Variants in LRRC2 observed in about 807,000 individuals in gnomAD.
LRRC2 encodes the protein leucine rich repeat containing 2.
In LRRC2, 27 loss-of-function variants were observed where a neutral mutation model predicts 40.2. That is an observed-to-expected ratio of 0.67 (90% CI 0.49 to 0.93). The LOEUF is 0.93. LRRC2 is among the 40% of genes least tolerant of loss of function. The pLI is 0.00. For missense variants in LRRC2, 402 were observed against 439.6 expected, an observed-to-expected ratio of 0.91 and a Z score of 0.76; for synonymous variants, 147 against 158.9, an observed-to-expected ratio of 0.92 and a Z score of 0.56.
intron 7 of LRRC2, among the ~76,000 whole-genome samples, chr3:46,521,870 G>A (rs1342209210): frequency 6.6e-6 from 1 of 152,116 alleles, no homozygotes; most frequent in South Asian, 2.1e-4. Flanking sequence ...CTTTTCAGAG[G>A]CCTGATGGGG....
chr3:46,525,087 T>C (rs13083705), intron 7 of LRRC2, among the ~76,000 whole-genome samples: 2 of 34,408 alleles, frequency 5.8e-5, no homozygotes, highest in East Asian at 1.4e-3. Context: ...TTTTTTTTTC[T>C]TTTTTTTTTT....
chr3:46,550,069 A>C (rs1161834923), intron 2 of LRRC2, among the ~76,000 whole-genome samples: 1 of 152,158 alleles, frequency 6.6e-6, no homozygotes, highest in East Asian at 1.9e-4. Context: ...GCAATCCTTT[A>C]TGTCATATTG....
chr3:46,534,635 T>C (rs534229226), intron 4 of LRRC2, among the ~76,000 whole-genome samples: 2 of 152,250 alleles, frequency 1.3e-5, no homozygotes, highest in African/African-American at 2.4e-5. Context: ...TTTAAATCCA[T>C]ATAATGATAA....
In LRRC2 at chr3:46,545,048, T is replaced by C; in HGVS notation, c.331A>G (p.Thr111Ala). 1 of 1,612,368 alleles carries C rather than the reference T, an allele frequency of 6.2e-7. No homozygotes were observed. The highest frequency in any genetic ancestry group is 1.1e-5 in the South Asian group (1 of 91,010). Residue 111 changes from threonine (T) to alanine (A), a missense_variant and splice_region_variant, in exon 3 of 9, where the codon ACG (threonine) becomes GCG (alanine). Thr to Ala is a moderately conservative substitution (Grantham distance 58). Coordinates refer to ENST00000395905, the MANE Select transcript of LRRC2 (RefSeq NM_024512.5). ...FVFELSGEHW[T>A]ELPDSLKEQT... ...GGGCGAGAACTGCCTCGACTCACCG[T>C]CCAGTGCTCCCCAGAAAGTTCAAAC...
rs542620293 is a variant in LRRC2 at position 46,549,771 on chromosome 3, G to C, written c.125+1696C>G. Among the ~76,000 whole-genome samples, 4 of 152,360 alleles carry C rather than the reference G, an allele frequency of 2.6e-5. No homozygotes were observed. In the South Asian group the frequency reaches 8.3e-4, roughly 32 times the overall value. On this transcript the variant is annotated intron_variant, in intron 2 of 8. Transcript: ENST00000395905. ...CCAAGAACCTCAGGAAGTTGCATCAGCTACAGGTGCTTCCCTAACTCCCCT... is the reference window on the plus strand; with the variant it reads ...CCAAGAACCTCAGGAAGTTGCATCACCTACAGGTGCTTCCCTAACTCCCCT...
rs34602158 is a variant in LRRC2 at position 46,550,377 on chromosome 3, C to CTTTTT, written c.125+1085_125+1089dup. Among the ~76,000 whole-genome samples, 44 of 84,008 alleles carry CTTTTT rather than the reference C, an allele frequency of 5.2e-4. 1 individual carries two copies. The highest frequency in any genetic ancestry group is 6.5e-4 in the East Asian group (2 of 3,088). The allele number at this position is 84,008 out of a possible 152,430, so 55.1% of individuals were successfully genotyped here. On this transcript the variant is annotated intron_variant, in intron 2 of 8. Coordinates refer to ENST00000395905, the MANE Select transcript of LRRC2 (RefSeq NM_024512.5). ...GTAGACACATTCACACCTTACACAT[C>CTTTTT]TTTTTTTTTTTTTTTTTTTTTTTTG...
intron 6 of LRRC2, among the ~76,000 whole-genome samples, chr3:46,528,554 T>C (rs989840694): frequency 1.3e-5 from 2 of 152,244 alleles, no homozygotes; most frequent in African/African-American, 4.8e-5. Flanking sequence ...ATATGTCTTA[T>C]TCTGTTTTCC....
chr3:46,543,479 G>C (rs1162371840), intron 3 of LRRC2, among the ~76,000 whole-genome samples: 1 of 152,062 alleles, frequency 6.6e-6, no homozygotes, highest in African/African-American at 2.4e-5. Context: ...AGCCGGGTAT[G>C]GTGGCGGGTG....
At chr3:46,521,051 C>G (rs1455181670) in intron 8 of LRRC2, among the ~76,000 whole-genome samples, 1 of 152,136 alleles carries the variant, frequency 6.6e-6, no homozygotes, top group African/African-American at 2.4e-5. Context: ...CTATGGGAAC[C>G]AAAACTAAAT....
At chr3:46,556,316 A>G (rs58572135) in intron 1 of LRRC2, among the ~76,000 whole-genome samples, 7,362 of 151,928 alleles carry the variant, frequency 0.048, 270 homozygotes, top group South Asian at 0.15. Flanking sequence ...TTGCAGCGAT[A>G]AGGTCTCACT....
At position 46,564,999 on chromosome 3, in the gene LRRC2, G is replaced by A. The variant is rs141820439; in HGVS notation, c.-20+1178C>T. 2.5e-3 allele frequency among the ~76,000 whole-genome samples: 386 copies of A among 152,350 alleles called. 1 individual carries two copies. Among genetic ancestry groups the A allele is most frequent in the African/African-American group, 9.0e-3 (375 of 41,588 alleles). ...ACTGCCTGGACACCAGCGTTGGAATGAACGCAGTGAGTTTTCTGATAGAAA... is the reference window on the plus strand; with the variant it reads ...ACTGCCTGGACACCAGCGTTGGAATAAACGCAGTGAGTTTTCTGATAGAAA... On this transcript the variant is annotated intron_variant, in intron 1 of 8. Coordinates refer to ENST00000395905, the MANE Select transcript of LRRC2 (RefSeq NM_024512.5).
At chr3:46,553,633 G>A (rs1394505536) in intron 1 of LRRC2, among the ~76,000 whole-genome samples, 5 of 151,730 alleles carry the variant, frequency 3.3e-5, no homozygotes, top group South Asian at 4.2e-4. Context: ...GACCACAGTC[G>A]TGCGTCACCA....
At chr3:46,530,616 C>T (rs1437140798) in intron 5 of LRRC2, among the ~76,000 whole-genome samples, 1 of 152,178 alleles carries the variant, frequency 6.6e-6, no homozygotes, top group Admixed American at 6.5e-5. Context: ...CATAGGTCCA[C>T]ATTGCTGGGG....
rs59264692 is a variant in LRRC2, at chr3:46,522,376, A to AAAATAAATAAAT, written c.930-730_930-719dup. On this transcript the variant is annotated intron_variant, in intron 7 of 8. Coordinates refer to ENST00000395905, the MANE Select transcript of LRRC2 (RefSeq NM_024512.5). Reference sequence around the variant, plus strand: ...GGCAACAGAGCGAGACTCAATCTCAAAAATAAATAAATAAATAAATAAATA... The same window carrying AAAATAAATAAAT: ...GGCAACAGAGCGAGACTCAATCTCAAAAATAAATAAATAAATAAATAAATAAATAAATAAATA... Among the ~76,000 whole-genome samples the AAAATAAATAAAT allele has an allele frequency of 9.9e-4, 134 of 136,020 alleles. 1 individual carries two copies. The highest frequency in any genetic ancestry group is 1.9e-3 in the East Asian group (9 of 4,626). 89.2% of individuals were successfully genotyped at this position (136,020 alleles called of 152,430 possible).
chr3:46,521,729 A>C, intron 7 of LRRC2, 71 bp from the exon 8 acceptor site: 1 of 1,475,796 alleles, frequency 6.8e-7, no homozygotes. Context: ...CCTCACATAA[A>C]ATAACCTCTG....
chr3:46,520,215 A>G (rs1703941641), intron 8 of LRRC2, among the ~76,000 whole-genome samples: 1 of 149,410 alleles, frequency 6.7e-6, no homozygotes, highest in South Asian at 2.1e-4. Flanking sequence ...TATTTTATTT[A>G]AATTGATTAA....
At chr3:46,540,671 T>C (rs970116238) in intron 3 of LRRC2, among the ~76,000 whole-genome samples, 2 of 152,194 alleles carry the variant, frequency 1.3e-5, no homozygotes, top group Non-Finnish European at 2.9e-5. Context: ...GCAGGCACCT[T>C]GTTAAAAATT....
chr3:46,561,814 G>A (rs887314094), intron 1 of LRRC2, among the ~76,000 whole-genome samples: 3 of 152,100 alleles, frequency 2.0e-5, no homozygotes, highest in Non-Finnish European at 4.4e-5. Context: ...GGTACAGCTG[G>A]CCAGGTGGAC....
At chr3:46,532,647 A>C in intron 5 of LRRC2, 126 bp downstream of exon 5, 1 of 1,064,714 alleles carries the variant, frequency 9.4e-7, no homozygotes, top group South Asian at 1.6e-5. Context: ...GGTGATTGAA[A>C]TGTCAGGAAA....
Sources: gnomAD v4.1 joint callset for allele counts (sites outside exome capture counted in the v4.1 genomes callset) on GRCh38, gnomAD v4.1.1 for gene constraint, MANE v1.5 for transcripts, NCBI Gene and HGNC (gene_info 2026-07-23, HGNC 2026-07-21) for gene names.